The following B3GALT1 variants were observed in gnomAD, a reference collection of about 807,000 sequenced individuals.
The protein encoded by B3GALT1 is beta-1,3-galactosyltransferase 1.
A neutral mutation model predicts 23.2 loss-of-function variants in B3GALT1; 10 were observed. That is an observed-to-expected ratio of 0.43 (90% CI 0.27 to 0.73). The LOEUF is 0.73. Among genes scored for constraint, B3GALT1 ranks in the 30% least tolerant of loss-of-function variants. The probability of loss-of-function intolerance (pLI) is 0.21; values close to 1 mark genes in which losing one functional copy is unlikely to be tolerated. For synonymous variants in B3GALT1, 156 were observed against 141.5 expected (o/e 1.10, Z -0.73); for missense variants, 299 against 405.4 (o/e 0.74, Z 2.25).
chr2:167,445,147 T>A (rs1698959887), intron 1 of B3GALT1, among the ~76,000 whole-genome samples: 2 of 152,234 alleles, frequency 1.3e-5, no homozygotes. Flanking sequence ...AGGAGCAGGT[T>A]GTTCAGTTTC....
chr2:167,667,513 G>T (rs2105479437), intron 3 of B3GALT1, among the ~76,000 whole-genome samples: 1 of 152,172 alleles, frequency 6.6e-6, no homozygotes, highest in East Asian at 1.9e-4. Context: ...GCTAGATTGG[G>T]GAAGTTCTCC....
chr2:167,849,493 T>C (rs1002663820), intron 4 of B3GALT1, among the ~76,000 whole-genome samples: 29 of 152,130 alleles, frequency 1.9e-4, no homozygotes, highest in Admixed American at 5.2e-4. Context: ...GGACACCCTT[T>C]TCAACAAATG....
At chr2:167,699,423 T>C (rs1686842889) in intron 3 of B3GALT1, among the ~76,000 whole-genome samples, 2 of 133,440 alleles carry the variant, frequency 1.5e-5, no homozygotes, top group African/African-American at 5.5e-5. Context: ...ACCTATTAAC[T>C]AAAACCCCAA....
chr2:167,376,096 A>T (rs974310499), intron 1 of B3GALT1, among the ~76,000 whole-genome samples: 3 of 152,042 alleles, frequency 2.0e-5, no homozygotes, highest in Non-Finnish European at 2.9e-5. Flanking sequence ...GTTTTTTCTT[A>T]TTAATTTTGT....
chr2:167,752,956 ACT>A (rs1416397705), intron 3 of B3GALT1, among the ~76,000 whole-genome samples: 1 of 152,094 alleles, frequency 6.6e-6, no homozygotes, highest in African/African-American at 2.4e-5. Context: ...AACAAGGATA[ACT>A]CTGCATGTGA....
At chr2:167,346,515 T>G (rs1222535011) in intron 1 of B3GALT1, among the ~76,000 whole-genome samples, 1 of 152,150 alleles carries the variant, frequency 6.6e-6, no homozygotes, top group Non-Finnish European at 1.5e-5. Flanking sequence ...AATCCTTGAA[T>G]AATAAGAATT....
intron 2 of B3GALT1, among the ~76,000 whole-genome samples, chr2:167,568,127 C>T (rs1684209934): frequency 1.3e-5 from 2 of 152,092 alleles, no homozygotes; most frequent in African/African-American, 4.8e-5. Context: ...TATTCATTCA[C>T]CTACTGAAGG....
chr2:167,729,208 T>A (rs1443501798), intron 3 of B3GALT1, among the ~76,000 whole-genome samples: 1 of 152,272 alleles, frequency 6.6e-6, no homozygotes, highest in Non-Finnish European at 1.5e-5. Flanking sequence ...CAGGGACACC[T>A]AAAAATCATT....
intron 1 of B3GALT1, among the ~76,000 whole-genome samples, chr2:167,447,663 G>T (rs767847796): frequency 3.8e-4 from 58 of 152,134 alleles, no homozygotes; most frequent in Non-Finnish European, 7.5e-4. Flanking sequence ...CTCTGAGCCA[G>T]GCATGGGATA....
chr2:167,683,280 T>C (rs1256054874), intron 3 of B3GALT1, among the ~76,000 whole-genome samples: 2 of 152,148 alleles, frequency 1.3e-5, no homozygotes, highest in Admixed American at 1.3e-4. Flanking sequence ...CCAAAGACCT[T>C]CCAAGGAAGG....
At chr2:167,561,332 A>G (rs1445623180) in intron 2 of B3GALT1, among the ~76,000 whole-genome samples, 1 of 152,228 alleles carries the variant, frequency 6.6e-6, no homozygotes, top group African/African-American at 2.4e-5. Context: ...TTATAGGACT[A>G]AATGCCCACA....
At chr2:167,669,869 A>G (rs1686292161) in intron 3 of B3GALT1, among the ~76,000 whole-genome samples, 1 of 152,154 alleles carries the variant, frequency 6.6e-6, no homozygotes, top group African/African-American at 2.4e-5. Context: ...CACCCCACCC[A>G]GAACACTGAG....
At chr2:167,621,940 A>G (rs944773565) in intron 2 of B3GALT1, among the ~76,000 whole-genome samples, 2 of 152,114 alleles carry the variant, frequency 1.3e-5, no homozygotes, top group African/African-American at 4.8e-5. Flanking sequence ...TTGAGAGTCA[A>G]TTAAACCGCT....
intron 2 of B3GALT1, among the ~76,000 whole-genome samples, chr2:167,534,694 G>A (rs1198722612): frequency 6.6e-6 from 1 of 152,166 alleles, no homozygotes; most frequent in African/African-American, 2.4e-5. Context: ...AACTATGACT[G>A]TAAACATGAA....
At position 167,431,681 on chromosome 2, in the gene B3GALT1, A is replaced by C. The variant is rs149770576; in HGVS notation, c.-510-58496A>C. ...ACTGTGAAGGAGGTGCATGCATGCA[A>C]ATCAGCCCAAATCAGTTCAAGTCAT... is the stretch of plus-strand genomic sequence containing the variant. On this transcript the variant is annotated intron_variant, in intron 1 of 4. Coordinates refer to ENST00000392690, the MANE Select transcript of B3GALT1 (RefSeq NM_020981.4). 5.3e-5 allele frequency among the ~76,000 whole-genome samples: 8 copies of C among 152,310 alleles called. No individual in the cohort carries two copies. The East Asian group carries it at 1.4e-3, about 26-fold the overall frequency.
At chr2:167,635,800 T>G (rs1018710418) in intron 2 of B3GALT1, among the ~76,000 whole-genome samples, 1 of 152,026 alleles carries the variant, frequency 6.6e-6, no homozygotes, top group Non-Finnish European at 1.5e-5. Context: ...ATGCTATCCC[T>G]ATCAAGCTAC....
At chr2:167,567,944 T>G (rs1175932597) in intron 2 of B3GALT1, among the ~76,000 whole-genome samples, 1 of 152,174 alleles carries the variant, frequency 6.6e-6, no homozygotes. Context: ...CTCCATAGTT[T>G]TGCCTTTTCC....
chr2:167,493,954 G>C (rs939213276), intron 2 of B3GALT1, among the ~76,000 whole-genome samples: 1 of 152,110 alleles, frequency 6.6e-6, no homozygotes, highest in African/African-American at 2.4e-5. Flanking sequence ...AAACTGATAT[G>C]TACCAGTTAC....
At chr2:167,844,206 A>AAG (rs1689707938) in intron 4 of B3GALT1, among the ~76,000 whole-genome samples, 1 of 152,198 alleles carries the variant, frequency 6.6e-6, no homozygotes, top group South Asian at 2.1e-4. Context: ...CATATTAATA[A>AAG]ATGAAAATAT....
Sources: allele counts gnomAD v4.1 joint callset (sites outside exome capture counted in the v4.1 genomes callset), GRCh38; gene constraint gnomAD v4.1.1; transcripts MANE v1.5; gene names NCBI Gene and HGNC (gene_info 2026-07-23, HGNC 2026-07-21).